Variants in VMP1 observed in about 807,000 individuals in gnomAD.
VMP1 encodes ectopic P-granules autophagy protein 3 homolog.
VMP1 carries 11 observed loss-of-function variants against 56.0 expected under a neutral mutation model. That is an observed-to-expected ratio of 0.20 (90% confidence interval 0.12 to 0.32). The LOEUF is 0.32. Among genes scored for constraint, VMP1 ranks in the 10% least tolerant of loss-of-function variants. The pLI, the probability that VMP1 is intolerant of heterozygous loss-of-function variation, is 1.00. For missense variants in VMP1, 296 were observed against 490.3 expected (o/e 0.60, Z 3.74); for synonymous variants, 149 against 165.0 (o/e 0.90, Z 0.74).
At chr17:59,718,795 A>G (rs191497449) in intron 1 of VMP1, among the ~76,000 whole-genome samples, 16 of 151,904 alleles carry the variant, frequency 1.1e-4, no homozygotes, top group Admixed American at 7.2e-4. Context: ...GCCTCCCAAA[A>G]CGATAGGGTT....
intron 5 of VMP1, 151 bp from the exon 6 acceptor site, chr17:59,764,820 T>G (rs1239507406): frequency 1.1e-5 from 6 of 540,960 alleles, no homozygotes; most frequent in Non-Finnish European, 1.7e-5. Flanking sequence ...TTTCTTCATA[T>G]TACTAACTGC....
rs544336653 is a variant in VMP1, at chr17:59,774,219, T to A, written c.714+334T>A. Among the ~76,000 whole-genome samples the A allele has an allele frequency of 1.1e-4, 16 of 152,308 alleles. No individual in the cohort carries two copies. In the East Asian group the frequency reaches 2.1e-3, roughly 20 times the overall value. ...GGTATTACCAAGCAGACTGCTGCTC[T>A]GAGTCCAAAATAATAGAACTTCTGA... On this transcript the variant is annotated intron_variant, in intron 7 of 11. Transcript: ENST00000262291.
intron 9 of VMP1, among the ~76,000 whole-genome samples, chr17:59,816,902 C>T (rs375197985): frequency 1.1e-4 from 16 of 147,728 alleles, no homozygotes; most frequent in South Asian, 8.5e-4. Flanking sequence ...GCCAAGATGG[C>T]GCCACTGCAC....
intron 7 of VMP1, among the ~76,000 whole-genome samples, chr17:59,782,651 C>T (rs575186337): frequency 1.4e-3 from 207 of 152,116 alleles, no homozygotes; most frequent in Non-Finnish European, 2.6e-3. Flanking sequence ...CAATAAAATA[C>T]GGAAAAGTTG....
intron 7 of VMP1, among the ~76,000 whole-genome samples, chr17:59,777,403 T>C (rs991969992): frequency 6.6e-6 from 1 of 152,132 alleles, no homozygotes; most frequent in Non-Finnish European, 1.5e-5. Flanking sequence ...CAAGTTTCTG[T>C]AATTGGTATC....
Position 59,765,039 on chromosome 17 carries a change from C to T in VMP1, c.483C>T (p.Pro161=). The part of the protein sequence containing the change: ...ECNSVNFPEP[P]YPDQIICPDE... The stretch of plus-strand genomic sequence containing the variant: ...ATTCAGTTAATTTTCCCGAACCACC[C>T]TATCCTGATCAGATTATTTGTCCAG... Residue 161 remains proline, a synonymous_variant, in exon 6 of 12, where the codon CCC becomes CCT. Coordinates refer to ENST00000262291, the MANE Select transcript of VMP1 (RefSeq NM_030938.5). 1 of 1,614,048 alleles carries T rather than the reference C, an allele frequency of 6.2e-7. No homozygotes were observed. The highest frequency in any genetic ancestry group is 8.5e-7 in the Non-Finnish European group (1 of 1,179,980).
At chr17:59,753,609 G>C (rs1598342075) in intron 5 of VMP1, among the ~76,000 whole-genome samples, 1 of 152,126 alleles carries the variant, frequency 6.6e-6, no homozygotes. Flanking sequence ...ATAATGTGAT[G>C]TATGTACAAT....
At chr17:59,809,249 G>A (rs937319081) in intron 8 of VMP1, among the ~76,000 whole-genome samples, 2 of 148,212 alleles carry the variant, frequency 1.3e-5, no homozygotes, top group Non-Finnish European at 3.0e-5. Flanking sequence ...CACCTGCCTC[G>A]GCCTCCCAAA....
chr17:59,811,150 A>G (rs1200147164), intron 8 of VMP1, among the ~76,000 whole-genome samples: 1 of 152,246 alleles, frequency 6.6e-6, no homozygotes, highest in East Asian at 1.9e-4. Context: ...ACATCCACCC[A>G]TAAATGTATT....
chr17:59,823,274 A>T (rs896407877), intron 10 of VMP1, among the ~76,000 whole-genome samples: 1 of 151,190 alleles, frequency 6.6e-6, no homozygotes, highest in African/African-American at 2.4e-5. Flanking sequence ...ACATGGTAAG[A>T]CCCCCATCTC....
chr17:59,800,840 A>G (rs2037613736), intron 7 of VMP1, among the ~76,000 whole-genome samples: 1 of 152,058 alleles, frequency 6.6e-6, no homozygotes, highest in Non-Finnish European at 1.5e-5. Flanking sequence ...CCAGCACGTT[A>G]GGAGCCTGAG....
At chr17:59,752,622 TGATGACAGGAA>T (rs2035694862) in intron 5 of VMP1, among the ~76,000 whole-genome samples, 1 of 152,226 alleles carries the variant, frequency 6.6e-6, no homozygotes. Context: ...ATGAGCTGTC[TGATGACAGGAA>T]GATTTGGTTC....
chr17:59,751,295 G>A (rs1050410079), intron 5 of VMP1, among the ~76,000 whole-genome samples: 20 of 152,240 alleles, frequency 1.3e-4, no homozygotes, highest in African/African-American at 4.1e-4. Flanking sequence ...GTACATGAGC[G>A]ATCAGGAATG....
intron 1 of VMP1, among the ~76,000 whole-genome samples, chr17:59,721,870 A>C (rs540379178): frequency 6.6e-6 from 1 of 152,348 alleles, no homozygotes; most frequent in East Asian, 1.9e-4. Flanking sequence ...TAAACAACAG[A>C]AATTGTTTTT....
chr17:59,829,574 GC>G (rs1473133846), intron 10 of VMP1, among the ~76,000 whole-genome samples: 1 of 152,162 alleles, frequency 6.6e-6, no homozygotes, highest in Non-Finnish European at 1.5e-5. Context: ...TAAAATACTA[GC>G]CGTTAAGCCT....
intron 7 of VMP1, among the ~76,000 whole-genome samples, chr17:59,791,670 G>A (rs1010752969): frequency 4.0e-5 from 6 of 151,852 alleles, no homozygotes; most frequent in African/African-American, 1.4e-4. Context: ...CACCATGTTG[G>A]CCAGGCTGGT....
intron 10 of VMP1, among the ~76,000 whole-genome samples, chr17:59,832,931 T>C (rs186413718): frequency 4.9e-4 from 75 of 152,100 alleles, no homozygotes; most frequent in African/African-American, 1.6e-3. Context: ...TTCTTTGAAT[T>C]TAATCAGAGC....
chr17:59,777,882 G>A (rs1471596069), intron 7 of VMP1, among the ~76,000 whole-genome samples: 5 of 152,052 alleles, frequency 3.3e-5, no homozygotes, highest in African/African-American at 1.2e-4. Flanking sequence ...TACTCTGATA[G>A]GTGCTCAGAA....
chr17:59,742,698 A>G (rs2035272826), intron 5 of VMP1, among the ~76,000 whole-genome samples: 1 of 152,092 alleles, frequency 6.6e-6, no homozygotes, highest in Admixed American at 6.6e-5. Context: ...GCCACACAGC[A>G]GTAGGTGAGC....
Sources: gnomAD v4.1 joint callset for allele counts (sites outside exome capture counted in the v4.1 genomes callset) on GRCh38, gnomAD v4.1.1 for gene constraint, MANE v1.5 for transcripts, NCBI Gene and HGNC (gene_info 2026-07-23, HGNC 2026-07-21) for gene names.